Variants in TMEM150B observed in about 807,000 individuals in gnomAD.
TMEM150B encodes the protein modulator of macroautophagy TMEM150B.
TMEM150B carries 33 observed loss-of-function variants against 25.2 expected under a neutral mutation model. The observed-to-expected ratio is 1.31, with a 90% CI of 0.99 to 1.75. The LOEUF (loss-of-function observed/expected upper bound fraction) is 1.75. Ranked by LOEUF, TMEM150B falls within the 40% of genes most tolerant of loss-of-function variation. The probability of loss-of-function intolerance (pLI) is 0.00; values close to 1 mark genes in which losing one functional copy is unlikely to be tolerated. For synonymous variants in TMEM150B, 133 were observed against 134.8 expected, an observed-to-expected ratio of 0.99 and a Z score of 0.09; for missense variants, 322 against 306.1, an observed-to-expected ratio of 1.05 and a Z score of -0.39.
At chr19:55,324,519 G>C (rs1256099437) in intron 1 of TMEM150B, among the ~76,000 whole-genome samples, 1 of 151,966 alleles carries the variant, frequency 6.6e-6, no homozygotes, top group African/African-American at 2.4e-5. Context: ...GTGGTGGCAG[G>C]CACCTGTAAT....
downstream of TMEM150B, chr19:55,312,125 A>G (rs1332669265): frequency 9.8e-6 from 7 of 717,614 alleles, no homozygotes; most frequent in Non-Finnish European, 6.6e-6. Flanking sequence ...GTGCCCCCCA[A>G]CTGTGAATCT....
downstream of TMEM150B, chr19:55,312,272 T>C: frequency 2.6e-6 from 1 of 384,884 alleles, no homozygotes; most frequent in Non-Finnish European, 4.6e-6. Context: ...GCTGTTTCTA[T>C]TTTATTTATT....
chr19:55,316,252 C>G (rs2088993061), intron 7 of TMEM150B, among the ~76,000 whole-genome samples: 1 of 152,166 alleles, frequency 6.6e-6, no homozygotes, highest in Admixed American at 6.5e-5. Flanking sequence ...GAATGCCTCT[C>G]AGAGCCTGCG....
intron 7 of TMEM150B, 151 bp from the exon 8 acceptor site, chr19:55,313,206 G>GC: frequency 2.6e-6 from 2 of 771,498 alleles, no homozygotes; most frequent in Non-Finnish European, 4.0e-6. Flanking sequence ...ACGGGGCCTC[G>GC]CCTTGGTCTC....
intron 6 of TMEM150B, 47 bp from the exon 7 acceptor site, chr19:55,317,013 G>T (rs750858113): frequency 6.4e-6 from 10 of 1,552,444 alleles, no homozygotes; most frequent in Admixed American, 2.2e-5. Flanking sequence ...GGGAAGGAGG[G>T]TAAGGGGCAC....
At chr19:55,318,935 A>G (rs541287725) in intron 6 of TMEM150B, among the ~76,000 whole-genome samples, 25 of 151,968 alleles carry the variant, frequency 1.6e-4, no homozygotes, top group African/African-American at 6.0e-4. Context: ...AGCCTCCTGC[A>G]TAGCTGGGAC....
chr19:55,315,967 C>T (rs755867992), intron 7 of TMEM150B, among the ~76,000 whole-genome samples: 8 of 151,526 alleles, frequency 5.3e-5, no homozygotes, highest in Admixed American at 1.3e-4. Flanking sequence ...ATGATAAAAG[C>T]AAATCCATTT....
intron 1 of TMEM150B, among the ~76,000 whole-genome samples, chr19:55,323,726 C>T (rs2123147101): frequency 6.7e-6 from 1 of 148,846 alleles, no homozygotes; most frequent in African/African-American, 2.5e-5. Flanking sequence ...TGGTCTCGAA[C>T]TCCCAACCTC....
chr19:55,322,669 C>T lies in TMEM150B; in HGVS notation c.-79G>A. On this transcript the variant is annotated 5_prime_UTR_variant, in exon 2 of 8. Transcript: ENST00000326652. ...TCACCTCTCCAAGCTTCCTGGGGCT[C>T]TCAGTCCTGGAGCTGGGGCTGGGTG... The T allele has an allele frequency of 1.0e-6, 1 of 985,330 alleles. No individual in the cohort carries two copies. The highest frequency in any genetic ancestry group is 1.2e-6 in the Non-Finnish European group (1 of 829,930). The allele number at this position is 985,330 out of a possible 1,614,324, so 61.0% of individuals were successfully genotyped here.
At chr19:55,322,541 C>A (rs995303119) in intron 2 of TMEM150B, 107 bp downstream of exon 2, 2 of 356,910 alleles carry the variant, frequency 5.6e-6, no homozygotes, top group African/African-American at 4.4e-5. Context: ...TCACCTGTTT[C>A]AGTGTTCAGT....
At position 55,319,741 on chromosome 19, in the gene TMEM150B, C is replaced by A. The variant is rs767700659; in HGVS notation, c.324+298G>T. ...CTGGAATTACAGGCATGAGCCACTG[C>A]GCCTGGACCAGTAATTTCATCATTA... On this transcript the variant is annotated intron_variant, in intron 6 of 7. Transcript: ENST00000326652. 3.8e-5 allele frequency: 45 copies of A among 1,196,048 alleles called. No individual in the cohort carries two copies. In the South Asian group the frequency reaches 5.2e-4, roughly 14 times the overall value. The allele number at this position is 1,196,048 out of a possible 1,614,324, so 74.1% of individuals were successfully genotyped here. A position where few individuals can be genotyped will look rare whatever the true frequency, so the allele number is the denominator to read the frequency against.
intron 6 of TMEM150B, among the ~76,000 whole-genome samples, chr19:55,317,977 TAAATA>T (rs1193402589): frequency 1.3e-5 from 2 of 151,288 alleles, no homozygotes; most frequent in Admixed American, 6.6e-5. Context: ...AAATAATAAA[TAAATA>T]AAATAAATAC....
intron 1 of TMEM150B, chr19:55,324,757 A>G: frequency 1.4e-5 from 14 of 985,428 alleles, no homozygotes; most frequent in Non-Finnish European, 1.7e-5. Context: ...TCTGCTGCCA[A>G]ATGCCTCTCC....
At chr19:55,320,506 C>T (rs769655688) in intron 4 of TMEM150B, 48 bp from the exon 5 acceptor site, 25 of 1,611,550 alleles carry the variant, frequency 1.6e-5, no homozygotes, top group Non-Finnish European at 2.0e-5. Flanking sequence ...CTAGGGCCTC[C>T]ACTTTCCTGC....
intron 7 of TMEM150B, among the ~76,000 whole-genome samples, chr19:55,316,262 G>A (rs77869823): frequency 1.1e-3 from 162 of 152,226 alleles, no homozygotes; most frequent in African/African-American, 3.6e-3. Context: ...CAGAGCCTGC[G>A]CAAGCCACCT....
At chr19:55,314,552 G>A (rs976765706) in intron 7 of TMEM150B, among the ~76,000 whole-genome samples, 8 of 152,070 alleles carry the variant, frequency 5.3e-5, no homozygotes, top group East Asian at 1.9e-4. Context: ...CTTTACAGAC[G>A]TCCATCCCTT....
At chr19:55,314,333 A>G (rs1201750554) in intron 7 of TMEM150B, among the ~76,000 whole-genome samples, 4 of 151,964 alleles carry the variant, frequency 2.6e-5, no homozygotes, top group Non-Finnish European at 5.9e-5. Flanking sequence ...TAAACTTCCT[A>G]TGGCTCTCTA....
At chr19:55,322,617 C>T (rs918342134) in intron 2 of TMEM150B, 31 bp downstream of exon 2, 6 of 976,874 alleles carry the variant, frequency 6.1e-6, no homozygotes, top group Admixed American at 1.2e-4. Flanking sequence ...CGTGCACCTC[C>T]CAGCCTCCAG....
At chr19:55,312,126 C>T (rs2088815519), downstream of TMEM150B, 1 of 724,348 alleles carries the variant, frequency 1.4e-6, no homozygotes, top group South Asian at 2.0e-5. Context: ...TGCCCCCCAA[C>T]TGTGAATCTG....
Sources: allele counts gnomAD v4.1 joint callset (sites outside exome capture counted in the v4.1 genomes callset), GRCh38; gene constraint gnomAD v4.1.1; transcripts MANE v1.5; gene names NCBI Gene and HGNC (gene_info 2026-07-23, HGNC 2026-07-21).